Variants in ATXN8OS observed in about 807,000 individuals in gnomAD.
ATXN8OS encodes ATXN8 opposite strand (non-protein coding).
chr13:70,116,146 G>C (rs114805984), intron 2 of ATXN8OS, among the ~76,000 whole-genome samples: 20 of 107,954 alleles, frequency 1.9e-4, no homozygotes, highest in African/African-American at 8.0e-4. Flanking sequence ...ATGGTGATGG[G>C]GGTGTATCAG....
chr13:70,111,305 G>T (rs951898085), intron 1 of ATXN8OS, among the ~76,000 whole-genome samples: 1 of 152,100 alleles, frequency 6.6e-6, no homozygotes, highest in African/African-American at 2.4e-5. Flanking sequence ...CCTGAAGGTG[G>T]GTAACTTATA....
chr13:70,163,660 A>G (rs1051605951), intron 4 of ATXN8OS, among the ~76,000 whole-genome samples: 4 of 152,044 alleles, frequency 2.6e-5, no homozygotes, highest in African/African-American at 7.2e-5. Context: ...ATTAAAACCT[A>G]GAACTTTCAC....
chr13:70,162,982 C>G (rs1295113067), intron 4 of ATXN8OS, among the ~76,000 whole-genome samples: 4 of 152,040 alleles, frequency 2.6e-5, no homozygotes, highest in Non-Finnish European at 5.9e-5. Flanking sequence ...GGCCACAGGC[C>G]TTCAAGACTC....
At chr13:70,153,001 GAATAA>G (rs1184475882) in intron 4 of ATXN8OS, among the ~76,000 whole-genome samples, 1 of 136,902 alleles carries the variant, frequency 7.3e-6, no homozygotes, top group African/African-American at 2.8e-5. Flanking sequence ...GTTAGAGAAT[GAATAA>G]GAAAAAACTG....
chr13:70,152,437 A>G (rs1407882337), intron 4 of ATXN8OS, among the ~76,000 whole-genome samples: 1 of 151,914 alleles, frequency 6.6e-6, no homozygotes, highest in Non-Finnish European at 1.5e-5. Flanking sequence ...ATGTACATAT[A>G]TGTGTATGTA....
At chr13:70,108,067 C>A (rs563691018) in intron 1 of ATXN8OS, 2 of 418,186 alleles carry the variant, frequency 4.8e-6, no homozygotes, top group South Asian at 1.9e-4. Context: ...GAGGTCTGAG[C>A]GCTCCGAAGC....
chr13:70,133,303 C>T (rs1358439098), intron 3 of ATXN8OS, among the ~76,000 whole-genome samples: 1 of 152,072 alleles, frequency 6.6e-6, no homozygotes, highest in Non-Finnish European at 1.5e-5. Context: ...GCCTGTAGTC[C>T]TAGCTACTTG....
chr13:70,107,536 C>T (rs775643172), upstream of ATXN8OS: 44 of 1,609,764 alleles, frequency 2.7e-5, no homozygotes, highest in Admixed American at 6.9e-4. Context: ...TTTGAGCAGG[C>T]GACTCTGGCT....
chr13:70,107,540 T>TCAAAAG, upstream of ATXN8OS: 1 of 1,609,660 alleles, frequency 6.2e-7, no homozygotes, highest in Non-Finnish European at 8.5e-7. Context: ...AGCAGGCGAC[T>TCAAAAG]CTGGCTGGGT....
intron 4 of ATXN8OS, among the ~76,000 whole-genome samples, chr13:70,159,975 G>C (rs541296865): frequency 1.1e-4 from 17 of 152,250 alleles, no homozygotes; most frequent in African/African-American, 3.9e-4. Flanking sequence ...ATTATAAATA[G>C]ACCTGCTATA....
At chr13:70,130,893 CAGAG>C in intron 3 of ATXN8OS, 2 of 398,354 alleles carry the variant, frequency 5.0e-6, no homozygotes, top group Non-Finnish European at 8.9e-6. Context: ...CATCCCAAAC[CAGAG>C]ATAGTATAGA....
At chr13:70,114,049 TCA>T (rs891089604) in intron 1 of ATXN8OS, among the ~76,000 whole-genome samples, 11 of 152,366 alleles carry the variant, frequency 7.2e-5, no homozygotes, top group African/African-American at 2.6e-4. Context: ...AATTATATAT[TCA>T]GAGTATTGGG....
chr13:70,127,694 G>T lies in ATXN8OS; in HGVS notation n.399-2090G>T, dbSNP rs375336972. Among the ~76,000 whole-genome samples, 6 of 151,538 alleles carry T rather than the reference G, an allele frequency of 4.0e-5. 1 individual carries two copies. Among genetic ancestry groups the T allele is most frequent in the East Asian group, 1.9e-4 (1 of 5,156 alleles). Reference sequence around the variant, plus strand: ...TTTTTTTTTTTCTTTGCCTCATAGAGCATAGTGAAAATTTTGTGGGTGTAG... The same window carrying T: ...TTTTTTTTTTTCTTTGCCTCATAGATCATAGTGAAAATTTTGTGGGTGTAG... On this transcript the variant is annotated intron_variant and non_coding_transcript_variant, in intron 2 of 4. Transcript: ENST00000678624.
intron 2 of ATXN8OS, among the ~76,000 whole-genome samples, chr13:70,122,174 T>C (rs1888368418): frequency 6.6e-6 from 1 of 151,966 alleles, no homozygotes. Flanking sequence ...ATTGCCAATA[T>C]AGGAGTGCAA....
intron 3 of ATXN8OS, among the ~76,000 whole-genome samples, chr13:70,146,938 G>A (rs990599061): frequency 6.6e-6 from 1 of 151,994 alleles, no homozygotes; most frequent in Non-Finnish European, 1.5e-5. Flanking sequence ...TAAAAAAAGT[G>A]TCATAATATA....
intron 1 of ATXN8OS, among the ~76,000 whole-genome samples, chr13:70,112,953 C>T (rs1316571943): frequency 1.6e-5 from 2 of 121,526 alleles, no homozygotes; most frequent in East Asian, 2.4e-4. Context: ...GATGGAGTCT[C>T]GCTCTGTCGC....
chr13:70,118,912 T>C (rs1888320433), intron 2 of ATXN8OS, among the ~76,000 whole-genome samples: 1 of 151,688 alleles, frequency 6.6e-6, no homozygotes, highest in Non-Finnish European at 1.5e-5. Flanking sequence ...GGCTCAGATA[T>C]ATACTTTTAT....
At chr13:70,115,393 C>T (rs771242585) in intron 2 of ATXN8OS, 15 of 396,246 alleles carry the variant, frequency 3.8e-5, no homozygotes, top group Non-Finnish European at 5.8e-5. Flanking sequence ...AACACTGTGG[C>T]ATTAGGGATT....
chr13:70,160,357 A>C (rs925361363), intron 4 of ATXN8OS, among the ~76,000 whole-genome samples: 6 of 152,050 alleles, frequency 3.9e-5, no homozygotes, highest in Non-Finnish European at 8.8e-5. Context: ...CGAGTGGCTT[A>C]TATCAACAGA....
Sources: gnomAD v4.1 joint callset for allele counts (sites outside exome capture counted in the v4.1 genomes callset) on GRCh38, gnomAD v4.1.1 for gene constraint, MANE v1.5 for transcripts, NCBI Gene and HGNC (gene_info 2026-07-23, HGNC 2026-07-21) for gene names.